Variants in LAMA2 observed in about 807,000 individuals in gnomAD.
LAMA2 encodes laminin subunit alpha 2.
In LAMA2, 269 loss-of-function variants were observed where a neutral mutation model predicts 364.8. That is an observed-to-expected ratio of 0.74 (90% CI 0.67 to 0.82). The LOEUF (loss-of-function observed/expected upper bound fraction) is 0.82, where lower values mean the gene tolerates loss of function less well. LAMA2 is among the 40% of genes least tolerant of loss of function. The probability of loss-of-function intolerance (pLI) is 0.00; values close to 1 mark genes in which losing one functional copy is unlikely to be tolerated. For missense variants in LAMA2, 3,807 were observed against 3,873.2 expected, an observed-to-expected ratio of 0.98 and a Z score of 0.45; for synonymous variants, 1,379 against 1,370.6, an observed-to-expected ratio of 1.01 and a Z score of -0.14.
Position 129,314,789 on chromosome 6 carries a change from C to T in LAMA2, c.3546C>T (p.Ile1182=), listed in dbSNP as rs866689709. The change falls in exon 24 of 65, where the codon ATC becomes ATT. Residue 1182 remains isoleucine (I), a synonymous_variant. Transcript: ENST00000421865. ...TTQCSEAKGL[I]RTWVTLKAEQ... ...AGTGCTCTGAAGCAAAAGGACTGAT[C>T]CGGACGTGGGTGAGTAGGGAACTGC... The T allele has an allele frequency of 6.2e-7, 1 of 1,613,978 alleles. No homozygotes were observed. Among genetic ancestry groups the T allele is most frequent in the African/African-American group, 1.3e-5 (1 of 75,008 alleles).
chr6:129,125,938 AAAAAT>A lies in LAMA2; in HGVS notation c.640-17958_640-17954del, dbSNP rs1313388117. On this transcript the variant is annotated intron_variant, in intron 4 of 64. Coordinates refer to ENST00000421865, the MANE Select transcript of LAMA2 (RefSeq NM_000426.4). ...AATTAGAAATTGTCAATTTACAATAAAAAATAAAAAGCCATCAAAAAACGCCAGGC... is the reference window on the plus strand; with the variant it reads ...AATTAGAAATTGTCAATTTACAATAAAAAAAGCCATCAAAAAACGCCAGGC... 1.2e-4 allele frequency among the ~76,000 whole-genome samples: 19 copies of A among 152,298 alleles called. No homozygotes were observed. The East Asian group carries it at 3.7e-3, about 29-fold the overall frequency.
At position 128,883,288 on chromosome 6, in the gene LAMA2, G is replaced by C. The variant is rs1330272710; in HGVS notation, c.43G>C (p.Gly15Arg). The C allele has an allele frequency of 1.3e-6, 2 of 1,580,690 alleles. No individual in the cohort carries two copies. The highest frequency in any genetic ancestry group is 1.7e-6 in the Non-Finnish European group (2 of 1,163,242). ...AGVLLLLLLSGGLGGVQAQRP... is the reference protein window; with the variant it reads ...AGVLLLLLLSRGLGGVQAQRP... Reference sequence around the variant, plus strand: ...GGTCCTCCTCCTTCTGCTGCTCTCCGGAGGCCTCGGGGGCGTACAGGCGCA... The same window carrying C: ...GGTCCTCCTCCTTCTGCTGCTCTCCCGAGGCCTCGGGGGCGTACAGGCGCA... Residue 15 changes from glycine to arginine, a missense_variant, in exon 1 of 65, where the codon GGA (glycine) becomes CGA (arginine). Around this residue, in one of 3 missense-constraint regions of LAMA2, gnomAD observed 394 missense variants for 403.5 expected, o/e 0.98. Coordinates refer to ENST00000421865, the MANE Select transcript of LAMA2 (RefSeq NM_000426.4).
At chr6:129,385,973 G>A (rs7770270) in intron 35 of LAMA2, among the ~76,000 whole-genome samples, 15,317 of 152,020 alleles carry the variant, frequency 0.1, 892 homozygotes, top group Admixed American at 0.16. Flanking sequence ...TCCCTGCTAC[G>A]CGTAGTCTAC....
At chr6:128,885,644 T>C (rs1445713420) in intron 1 of LAMA2, among the ~76,000 whole-genome samples, 1 of 152,206 alleles carries the variant, frequency 6.6e-6, no homozygotes, top group Non-Finnish European at 1.5e-5. Flanking sequence ...CTGACCTTTC[T>C]AGGCAAGCGC....
At chr6:129,112,457 A>G (rs954423296) in intron 4 of LAMA2, among the ~76,000 whole-genome samples, 1 of 152,064 alleles carries the variant, frequency 6.6e-6, no homozygotes, top group African/African-American at 2.4e-5. Flanking sequence ...AGAGAGGACA[A>G]CAAAAATGAG....
intron 32 of LAMA2, among the ~76,000 whole-genome samples, chr6:129,364,892 T>TGGAGCAGGCATCTTCACACAGGC (rs1362188509): frequency 2.0e-5 from 3 of 152,204 alleles, no homozygotes; most frequent in Non-Finnish European, 4.4e-5. Flanking sequence ...AAGGCAAAGC[T>TGGAGCAGGCATCTTCACACAGGC]GGAGCAGGCA....
intron 1 of LAMA2, chr6:128,929,276 T>G: frequency 7.5e-7 from 1 of 1,340,094 alleles, no homozygotes; most frequent in East Asian, 2.3e-5. Context: ...GTTCCCGTCA[T>G]TGATGCGGAT....
chr6:129,432,286 A>G (rs1781634243), intron 41 of LAMA2, among the ~76,000 whole-genome samples: 1 of 152,162 alleles, frequency 6.6e-6, no homozygotes, highest in East Asian at 1.9e-4. Context: ...ACCAGGGTGG[A>G]CTTCCATTAG....
intron 12 of LAMA2, among the ~76,000 whole-genome samples, chr6:129,193,428 G>A (rs750792171): frequency 6.6e-6 from 1 of 152,210 alleles, no homozygotes; most frequent in Non-Finnish European, 1.5e-5. Context: ...TTGTTTTAAA[G>A]CCCACACATA....
intron 29 of LAMA2, among the ~76,000 whole-genome samples, chr6:129,336,810 C>G (rs1333427884): frequency 6.6e-6 from 1 of 152,154 alleles, no homozygotes; most frequent in Non-Finnish European, 1.5e-5. Flanking sequence ...AGTGATATCT[C>G]CAATGATGAG....
intron 37 of LAMA2, among the ~76,000 whole-genome samples, chr6:129,395,770 G>T (rs1484513477): frequency 6.6e-6 from 1 of 152,168 alleles, no homozygotes. Context: ...ACTTGTGCTA[G>T]ATCCTAAAGG....
At position 129,012,177 on chromosome 6, in the gene LAMA2, C is replaced by G. The variant is rs556983722; in HGVS notation, c.113-37741C>G. ...TCCACCACCATGAGGGAATATGCTT[C>G]TCTTATTTTTCTGCAGAAACATTTA... On this transcript the variant is annotated intron_variant, in intron 1 of 64. Transcript: ENST00000421865. Among the ~76,000 whole-genome samples the G allele has an allele frequency of 5.3e-5, 8 of 152,254 alleles. No homozygotes were observed. In the South Asian group the frequency reaches 1.7e-3, roughly 32 times the overall value.
intron 28 of LAMA2, among the ~76,000 whole-genome samples, chr6:129,322,412 A>G (rs1775023676): frequency 6.6e-6 from 1 of 152,196 alleles, no homozygotes; most frequent in Non-Finnish European, 1.5e-5. Flanking sequence ...TGAAGATTTT[A>G]AAATGGAGGA....
intron 4 of LAMA2, among the ~76,000 whole-genome samples, chr6:129,113,658 C>A (rs762749911): frequency 2.3e-4 from 35 of 151,980 alleles, no homozygotes; most frequent in Non-Finnish European, 7.4e-5. Flanking sequence ...GTAACATAGA[C>A]AGAAGACTAC....
intron 29 of LAMA2, 65 bp from the exon 30 acceptor site, chr6:129,342,278 A>G: frequency 1.4e-6 from 2 of 1,420,624 alleles, no homozygotes; most frequent in East Asian, 2.3e-5. Flanking sequence ...TAGGGACTGT[A>G]TGATAAATTA....
At chr6:129,220,550 G>A (rs557437427) in intron 12 of LAMA2, among the ~76,000 whole-genome samples, 2 of 152,266 alleles carry the variant, frequency 1.3e-5, no homozygotes, top group Non-Finnish European at 2.9e-5. Flanking sequence ...ACTATTTTCT[G>A]CATAATATAG....
rs140167282 is a variant in LAMA2, at chr6:128,921,589, C to A, written c.112+38232C>A. Among the ~76,000 whole-genome samples, 513 of 151,954 alleles carry A rather than the reference C, an allele frequency of 3.4e-3. 1 individual carries two copies. The highest frequency in any genetic ancestry group is 0.01 in the Middle Eastern group (3 of 294). The stretch of plus-strand genomic sequence containing the variant: ...TGGTGCATCCACAAGCCAAGCAATG[C>A]CAAGGAAAGAAGCATGGACATTTTT... On this transcript the variant is annotated intron_variant, in intron 1 of 64. Transcript: ENST00000421865.
intron 40 of LAMA2, among the ~76,000 whole-genome samples, chr6:129,404,810 T>C (rs946125148): frequency 2.0e-5 from 3 of 152,128 alleles, no homozygotes; most frequent in Non-Finnish European, 4.4e-5. Flanking sequence ...AAGAAACTGA[T>C]CAATATTTTC....
intron 12 of LAMA2, among the ~76,000 whole-genome samples, chr6:129,232,820 A>G (rs965853301): frequency 1.3e-5 from 2 of 152,232 alleles, no homozygotes; most frequent in East Asian, 3.9e-4. Flanking sequence ...TGAGACCTTA[A>G]AAGTAGAAGA....
Sources: allele counts gnomAD v4.1 joint callset (sites outside exome capture counted in the v4.1 genomes callset), GRCh38; gene constraint gnomAD v4.1.1; regional missense constraint gnomAD v4.1.1; transcripts MANE v1.5; gene names NCBI Gene and HGNC (gene_info 2026-07-23, HGNC 2026-07-21).